SEMA3F: variants seen among roughly 807,000 people sequenced by gnomAD.
The protein encoded by SEMA3F is semaphorin 3F.
In SEMA3F, 30 loss-of-function variants were observed where a neutral mutation model predicts 98.5. That is an observed-to-expected ratio of 0.30 (90% CI 0.23 to 0.41). The LOEUF (loss-of-function observed/expected upper bound fraction) is 0.41, where lower values mean the gene tolerates loss of function less well. SEMA3F is among the 10% of genes least tolerant of loss of function. The pLI is 1.00. For missense variants in SEMA3F, 866 were observed against 1,119.3 expected (o/e 0.77, Z 3.23); for synonymous variants, 380 against 444.8 (o/e 0.85, Z 1.83).
Position 50,184,725 on chromosome 3 carries a change from G to A in SEMA3F, c.1367G>A (p.Arg456His), listed in dbSNP as rs148796473. 3.7e-6 allele frequency: 6 copies of A among 1,613,952 alleles called. No individual in the cohort carries two copies. The highest frequency in any genetic ancestry group is 2.7e-5 in the African/African-American group (2 of 74,918). The change falls in exon 13 of 19, where the codon CGC becomes CAC. Residue 456 changes from arginine (R) to histidine (H), a missense_variant. By Grantham distance (29) the Arg-to-His change is conservative. Transcript: ENST00000002829. Reference protein sequence around the residue: ...YPLQRRPLVVRTGAPYRLTTI... With the variant: ...YPLQRRPLVVHTGAPYRLTTI... The stretch of plus-strand genomic sequence containing the variant: ...CTGCAGCGGCGGCCCCTGGTAGTCC[G>A]CACAGGTGCTCCCTACCGCCTTACC...
chr3:50,167,394 G>A (rs759702658), intron 2 of SEMA3F, among the ~76,000 whole-genome samples: 21 of 152,192 alleles, frequency 1.4e-4, no homozygotes, highest in African/African-American at 4.1e-4. Context: ...CCTGGTTCCC[G>A]GCTGGCGAGT....
chr3:50,169,820 C>T (rs1289698692), intron 2 of SEMA3F, among the ~76,000 whole-genome samples: 1 of 152,228 alleles, frequency 6.6e-6, no homozygotes, highest in Non-Finnish European at 1.5e-5. Flanking sequence ...TCCCAGGTTC[C>T]TTTGTTCCTT....
At position 50,188,101 on chromosome 3, in the gene SEMA3F, C is replaced by T; in HGVS notation, c.2344C>T (p.Pro782Ser). The T allele has an allele frequency of 6.6e-7, 1 of 1,526,054 alleles. No homozygotes were observed. The highest frequency in any genetic ancestry group is 8.8e-7 in the Non-Finnish European group (1 of 1,137,206). 94.5% of individuals were successfully genotyped at this position (1,526,054 alleles called of 1,614,324 possible). ...QKKPRNRRHH[P>S]PDT Reference sequence around the variant, plus strand: ...AAAGCCCCGGAACCGCCGGCACCACCCTCCGGACACATGAGGCCAGCTGCC... The same window carrying T: ...AAAGCCCCGGAACCGCCGGCACCACTCTCCGGACACATGAGGCCAGCTGCC... Residue 782 changes from proline to serine, a missense_variant, in exon 19 of 19, where the codon CCT becomes TCT. Pro to Ser is a moderately conservative substitution (Grantham distance 74). This residue lies in a region of SEMA3F where 245 missense variants were observed against 260.5 expected (regional missense o/e 0.94). Transcript: ENST00000002829. The surrounding 1 kb of genome is among the most constrained non-coding windows in gnomAD (Gnocchi z 4.5).
Position 50,183,442 on chromosome 3 carries a change from G to T in SEMA3F, c.1111G>T (p.Val371Leu), listed in dbSNP as rs771028336. 3 of 1,613,972 alleles carry T rather than the reference G, an allele frequency of 1.9e-6. No individual in the cohort carries two copies. The highest frequency in any genetic ancestry group is 2.2e-5 in the South Asian group (2 of 91,090). Reference protein sequence around the residue: ...SSGSVFRGSAVCVYSMADIRM... With the variant: ...SSGSVFRGSALCVYSMADIRM... ...CAGCTCCGTGTTCCGAGGCTCTGCC[G>T]TGTGTGTCTACTCCATGGCTGATAT... The change falls in exon 12 of 19, where the codon GTG becomes TTG. Residue 371 changes from valine (V) to leucine (L), a missense_variant. By Grantham distance (32) the Val-to-Leu change is conservative. This residue lies in a region of SEMA3F where 374 missense variants were observed against 582.8 expected (regional missense o/e 0.64). Coordinates refer to ENST00000002829, the MANE Select transcript of SEMA3F (RefSeq NM_004186.5).
intron 3 of SEMA3F, 29 bp from the exon 4 acceptor site, chr3:50,174,023 G>C: frequency 1.2e-6 from 2 of 1,614,040 alleles, no homozygotes; most frequent in Middle Eastern, 1.6e-4. Flanking sequence ...TGTCCAGAAG[G>C]CTGCACCTTC....
chr3:50,172,089 C>G (rs975591387), intron 2 of SEMA3F, among the ~76,000 whole-genome samples: 2 of 152,190 alleles, frequency 1.3e-5, no homozygotes, highest in South Asian at 2.1e-4. Flanking sequence ...CTGTTCTCCC[C>G]CTCCAGGTGC....
intron 2 of SEMA3F, among the ~76,000 whole-genome samples, chr3:50,163,715 C>A (rs1575379029): frequency 6.6e-6 from 1 of 152,016 alleles, no homozygotes; most frequent in Non-Finnish European, 1.5e-5. Flanking sequence ...AGGCATGGGG[C>A]TTTGGTGGGG....
chr3:50,155,283 G>T, upstream of SEMA3F: 1 of 319,468 alleles, frequency 3.1e-6, no homozygotes, highest in East Asian at 5.1e-5. This position sits in a 1 kb window ranked among gnomAD's most constrained non-coding sequence, Gnocchi z 4.9. Context: ...CGGCGCGCCG[G>T]CCAGGGGGCG....
chr3:50,158,221 C>A lies in SEMA3F; in HGVS notation c.-48-1354C>A, dbSNP rs1698070233. Reference sequence around the variant, plus strand: ...GGGGCTGGTTCTGATTCCCCCATCCCCCAGCTAGCCTCCCCAGGAGGCAGC... The same window carrying A: ...GGGGCTGGTTCTGATTCCCCCATCCACCAGCTAGCCTCCCCAGGAGGCAGC... On this transcript the variant is annotated intron_variant, in intron 1 of 18. Transcript: ENST00000002829. This position sits in a 1 kb window ranked among gnomAD's most constrained non-coding sequence, Gnocchi z 4.8. Among the ~76,000 whole-genome samples, 2 of 152,242 alleles carry A rather than the reference C, an allele frequency of 1.3e-5. No individual in the cohort carries two copies. Among genetic ancestry groups the A allele is most frequent in the South Asian group, 4.1e-4 (2 of 4,838 alleles).
intron 2 of SEMA3F, among the ~76,000 whole-genome samples, chr3:50,172,542 A>C (rs1698656035): frequency 6.6e-6 from 1 of 152,150 alleles, no homozygotes; most frequent in Non-Finnish European, 1.5e-5. Flanking sequence ...TGCTGGACTC[A>C]TGCAAAAGGG....
At position 50,182,657 on chromosome 3, in the gene SEMA3F, C is replaced by A; in HGVS notation, c.777C>A (p.Ile259=). 1 of 1,613,168 alleles carries A rather than the reference C, an allele frequency of 6.2e-7. No individual in the cohort carries two copies. The highest frequency in any genetic ancestry group is 1.1e-5 in the South Asian group (1 of 91,030). ...NSRWLNDPSF[I]HAELIPDSAE... ...TGCCACCTGCAGACCCGTCGTTCAT[C>A]CATGCTGAGCTCATTCCTGACAGTG... is the stretch of plus-strand genomic sequence containing the variant. Residue 259 remains isoleucine (I), a synonymous_variant, in exon 9 of 19, where the codon ATC becomes ATA. Coordinates refer to ENST00000002829, the MANE Select transcript of SEMA3F (RefSeq NM_004186.5). The surrounding 1 kb of genome is among the most constrained non-coding windows in gnomAD (Gnocchi z 4.5).
chr3:50,165,685 C>T (rs1420928990), intron 2 of SEMA3F, among the ~76,000 whole-genome samples: 2 of 152,252 alleles, frequency 1.3e-5, no homozygotes, highest in East Asian at 1.9e-4. Flanking sequence ...TTAGAAATAG[C>T]AAGAGGGCCT....
At chr3:50,185,750 G>T (rs373521433) in intron 15 of SEMA3F, 43 bp downstream of exon 15, 1 of 1,612,368 alleles carries the variant, frequency 6.2e-7, no homozygotes, top group African/African-American at 1.3e-5. Flanking sequence ...GACAGGGCCT[G>T]CATCCCCTCA....
chr3:50,183,498 CAA>C lies in SEMA3F; in HGVS notation c.1169_1170del (p.Lys390ArgfsTer39). On this transcript the variant is annotated frameshift_variant, in exon 12 of 19. Coordinates refer to ENST00000002829, the MANE Select transcript of SEMA3F (RefSeq NM_004186.5). LOFTEE classifies it high-confidence loss of function. ...TGGTCTTCAACGGGCCCTTTGCCCA[CAA>C]AGAGGGGCCCAACTACCAGTGGATG... ...RMVFNGPFAHKEGPNYQWMPF... is the reference protein window; with the variant it reads ...RMVFNGPFAHXEGPNYQWMPF... 6.2e-7 allele frequency: 1 copy of C among 1,614,078 alleles called. No individual in the cohort carries two copies. Among genetic ancestry groups the C allele is most frequent in the Non-Finnish European group, 8.5e-7 (1 of 1,180,018 alleles).
At position 50,182,821 on chromosome 3, in the gene SEMA3F, C is replaced by T. The variant is rs1343030691; in HGVS notation, c.903+38C>T. On this transcript the variant is annotated intron_variant, in intron 9 of 18. Transcript: ENST00000002829. This position sits in a 1 kb window ranked among gnomAD's most constrained non-coding sequence, Gnocchi z 4.5. ...AGAGCCACCAGGCTGCCCCTTCCAC[C>T]AGTTCTGGCTTCATCAGCCCTGCTC... is the stretch of plus-strand genomic sequence containing the variant. 1 of 1,611,156 alleles carries T rather than the reference C, an allele frequency of 6.2e-7. No individual in the cohort carries two copies. The highest frequency in any genetic ancestry group is 8.5e-7 in the Non-Finnish European group (1 of 1,178,714).
At chr3:50,175,866 CTG>C (rs1698790606) in intron 6 of SEMA3F, among the ~76,000 whole-genome samples, 1 of 152,136 alleles carries the variant, frequency 6.6e-6, no homozygotes, top group African/African-American at 2.4e-5. Flanking sequence ...ATGTTCAGAG[CTG>C]TGTGTGCACC....
At chr3:50,183,043 G>A (rs760025461) in intron 10 of SEMA3F, 25 bp downstream of exon 10, 48 of 1,600,718 alleles carry the variant, frequency 3.0e-5, no homozygotes, top group Non-Finnish European at 3.5e-5. Context: ...GGCAGGCAGG[G>A]TGCTCTGGCT....
rs773134056 is a variant in SEMA3F, at chr3:50,187,709, G to A, written c.1952G>A (p.Arg651His). 1.1e-5 allele frequency: 17 copies of A among 1,585,714 alleles called. No homozygotes were observed. The highest frequency in any genetic ancestry group is 1.3e-5 in the African/African-American group (1 of 74,474). Reference sequence around the variant, plus strand: ...CCCCTCTCCTTGCCCCTGCAGATTCGTGCAGAGGACCGCTTCCTGCGCACA... The same window carrying A: ...CCCCTCTCCTTGCCCCTGCAGATTCATGCAGAGGACCGCTTCCTGCGCACA... ...RDPGDRRREI[R>H]AEDRFLRTEQ... Residue 651 changes from arginine to histidine, a missense_variant, in exon 19 of 19, where the codon CGT (arginine) becomes CAT (histidine). Arg to His is a conservative substitution (Grantham distance 29, BLOSUM62 0). This residue lies in a region of SEMA3F where 245 missense variants were observed against 260.5 expected (regional missense o/e 0.94). Transcript: ENST00000002829.
intron 2 of SEMA3F, among the ~76,000 whole-genome samples, chr3:50,161,198 G>T (rs1054291021): frequency 6.6e-6 from 1 of 152,150 alleles, no homozygotes; most frequent in Non-Finnish European, 1.5e-5. Context: ...CCTTGCGTCC[G>T]CTCTGGGTGT....
Sources: allele counts gnomAD v4.1 joint callset (sites outside exome capture counted in the v4.1 genomes callset), GRCh38; gene constraint gnomAD v4.1.1; regional missense constraint gnomAD v4.1.1; non-coding constraint Gnocchi (gnomAD v3.1); transcripts MANE v1.5; gene names NCBI Gene and HGNC (gene_info 2026-07-23, HGNC 2026-07-21).